ZNF175: variants seen among roughly 807,000 people sequenced by gnomAD.
ZNF175 encodes zinc finger protein OTK18.
ZNF175 carries 8 observed loss-of-function variants against 14.0 expected under a neutral mutation model. The ratio of observed to expected loss-of-function variants is 0.57; its 90% CI spans 0.34 to 1.03. ZNF175 has a LOEUF of 1.03. Ranked by LOEUF, ZNF175 falls within the 50% of genes least tolerant of loss-of-function variation. The pLI, the probability that ZNF175 is intolerant of heterozygous loss-of-function variation, is 0.03. For synonymous variants in ZNF175, 255 were observed against 296.8 expected, an observed-to-expected ratio of 0.86 and a Z score of 1.45; for missense variants, 764 against 849.5, an observed-to-expected ratio of 0.90 and a Z score of 1.25.
At position 51,588,408 on chromosome 19, in the gene ZNF175, C is replaced by CT. The variant is rs1982248850; in HGVS notation, c.2077_2078insT (p.His693LeufsTer23). On this transcript the variant is annotated frameshift_variant, in exon 5 of 5. Coordinates refer to ENST00000262259, the MANE Select transcript of ZNF175 (RefSeq NM_007147.4). LOFTEE classifies it low-confidence loss of function (END_TRUNC). ...AAACTTCAATAAACACCAAACAACT[C>CT]ATACCAGAGACAAATCTTACAAATG... 5 of 1,600,856 alleles carry CT rather than the reference C, an allele frequency of 3.1e-6. No individual in the cohort carries two copies.
chr19:51,587,630 A>C lies in ZNF175; in HGVS notation c.1299A>C (p.Thr433=). Residue 433 remains threonine, a synonymous_variant, in exon 5 of 5, where the codon ACA becomes ACC. Coordinates refer to ENST00000262259, the MANE Select transcript of ZNF175 (RefSeq NM_007147.4). ...ECGKAFTQKS[T]LSLHQRIHSG... ...GGAAAGCCTTTACCCAGAAGTCAAC[A>C]CTCAGCTTGCACCAGAGAATCCACT... 6.2e-7 allele frequency: 1 copy of C among 1,614,058 alleles called. No homozygotes were observed. The highest frequency in any genetic ancestry group is 8.5e-7 in the Non-Finnish European group (1 of 1,180,000).
chr19:51,587,126 G>C lies in ZNF175; in HGVS notation c.795G>C (p.Gln265His). The change falls in exon 5 of 5, where the codon CAG becomes CAC. Residue 265 changes from glutamine to histidine, a missense_variant. Coordinates refer to ENST00000262259, the MANE Select transcript of ZNF175 (RefSeq NM_007147.4). ...NQCRKVCGHKQSLKQHQIHTQ... is the reference protein window; with the variant it reads ...NQCRKVCGHKHSLKQHQIHTQ... ...GTAGAAAAGTCTGTGGCCATAAACAGTCACTCAAGCAACATCAAATTCATA... is the reference window on the plus strand; with the variant it reads ...GTAGAAAAGTCTGTGGCCATAAACACTCACTCAAGCAACATCAAATTCATA... 6.2e-7 allele frequency: 1 copy of C among 1,614,168 alleles called. No individual in the cohort carries two copies. The highest frequency in any genetic ancestry group is 1.1e-5 in the South Asian group (1 of 91,080).
chr19:51,581,177 A>G (rs1046647805), intron 2 of ZNF175, among the ~76,000 whole-genome samples: 6 of 152,160 alleles, frequency 3.9e-5, no homozygotes, highest in African/African-American at 1.4e-4. Context: ...ATTTTTGAAA[A>G]AAAAAAATGA....
At position 51,589,423 on chromosome 19, in the gene ZNF175, GGTT is replaced by G. The variant is rs1382332572; in HGVS notation, c.*959_*961del. On this transcript the variant is annotated 3_prime_UTR_variant, in exon 5 of 5. Transcript: ENST00000262259. ...TCCCTATTGAATATTTATATAATGA[GGTT>G]GTATCAACAATGATTAACTCCTTTA... 3.4e-6 allele frequency: 2 copies of G among 595,028 alleles called. No individual in the cohort carries two copies. Among genetic ancestry groups the G allele is most frequent in the East Asian group, 5.6e-5 (2 of 35,474 alleles). The allele number at this position is 595,028 out of a possible 1,614,324, so 36.9% of individuals were successfully genotyped here.
Position 51,581,767 on chromosome 19 carries a change from G to C in ZNF175, c.200-20G>C. 1 of 1,612,222 alleles carries C rather than the reference G, an allele frequency of 6.2e-7. No individual in the cohort carries two copies. Among genetic ancestry groups the C allele is most frequent in the South Asian group, 1.1e-5 (1 of 90,874 alleles). On this transcript the variant is annotated intron_variant, in intron 3 of 4. Transcript: ENST00000262259. ...ACTGAAGAAGCTACACCCAAATCCA[G>C]TATCCTTTCTAATTAACAGGGTATC... is the stretch of plus-strand genomic sequence containing the variant.
At chr19:51,581,568 C>A in intron 3 of ZNF175, 51 bp downstream of exon 3, 1 of 1,581,598 alleles carries the variant, frequency 6.3e-7, no homozygotes. Context: ...GAGGAGATTT[C>A]CTTCCTCCTC....
chr19:51,581,344 C>A, intron 2 of ZNF175, 47 bp from the exon 3 acceptor site: 2 of 1,613,972 alleles, frequency 1.2e-6, no homozygotes, highest in Middle Eastern at 1.7e-4. Context: ...CATCCCCACT[C>A]GCCAATGATG....
Position 51,587,685 on chromosome 19 carries a change from T to C in ZNF175, c.1354T>C (p.Cys452Arg), listed in dbSNP as rs780822016. The C allele has an allele frequency of 3.1e-6, 5 of 1,614,044 alleles. No individual in the cohort carries two copies. Among genetic ancestry groups the C allele is most frequent in the Non-Finnish European group, 4.2e-6 (5 of 1,180,010 alleles). ...GCAGAAGTCCTATGTGTGTATCGAA[T>C]GCGGGCAGGCCTTCATCCAGAAGGC... ...SGQKSYVCIE[C>R]GQAFIQKAHL... The change falls in exon 5 of 5, where the codon TGC becomes CGC. Residue 452 changes from cysteine (C) to arginine (R), a missense_variant. Transcript: ENST00000262259.
Position 51,588,421 on chromosome 19 carries a change from A to G in ZNF175, c.2090A>G (p.Lys697Arg). The change falls in exon 5 of 5, where the codon AAA becomes AGA. Residue 697 changes from lysine to arginine, a missense_variant. Coordinates refer to ENST00000262259, the MANE Select transcript of ZNF175 (RefSeq NM_007147.4). ...CACCAAACAACTCATACCAGAGACA[A>G]ATCTTACAAATGCAGTTATTCTGTG... Reference protein sequence around the residue: ...NKHQTTHTRDKSYKCSYSVKG... With the variant: ...NKHQTTHTRDRSYKCSYSVKG... The G allele has an allele frequency of 1.3e-6, 2 of 1,592,688 alleles. No individual in the cohort carries two copies. Among genetic ancestry groups the G allele is most frequent in the East Asian group, 2.2e-5 (1 of 44,756 alleles).
Position 51,588,166 on chromosome 19 carries a change from A to C in ZNF175, c.1835A>C (p.Glu612Ala), listed in dbSNP as rs753043597. The change falls in exon 5 of 5, where the codon GAG (glutamate) becomes GCG (alanine). Residue 612 changes from glutamate (E) to alanine (A), a missense_variant. Glu to Ala is a moderately radical substitution (Grantham distance 107, BLOSUM62 -1). Coordinates refer to ENST00000262259, the MANE Select transcript of ZNF175 (RefSeq NM_007147.4). ...FHKHQITHTR[E>A]RPFVCYKCGK... ...AAACATCAAATAACTCACACTAGAG[A>C]GAGGCCTTTTGTCTGTTACAAATGT... 1 of 1,614,192 alleles carries C rather than the reference A, an allele frequency of 6.2e-7. No homozygotes were observed. The highest frequency in any genetic ancestry group is 8.5e-7 in the Non-Finnish European group (1 of 1,180,028).
Position 51,586,924 on chromosome 19 carries a change from G to A in ZNF175, c.593G>A (p.Cys198Tyr), listed in dbSNP as rs1004515768. 1.9e-6 allele frequency: 3 copies of A among 1,614,040 alleles called. No individual in the cohort carries two copies. The highest frequency in any genetic ancestry group is 1.3e-5 in the African/African-American group (1 of 74,910). ...LASSQKQPQK[C>Y]CLFTESLKLN... ...TCTTCACAGAAACAACCTCAGAAATGTTGCTTATTTACAGAAAGTTTGAAG... is the reference window on the plus strand; with the variant it reads ...TCTTCACAGAAACAACCTCAGAAATATTGCTTATTTACAGAAAGTTTGAAG... Residue 198 changes from cysteine (C) to tyrosine (Y), a missense_variant, in exon 5 of 5, where the codon TGT becomes TAT. Transcript: ENST00000262259.
In ZNF175 at chr19:51,591,127, C is replaced by T. The variant is rs1982332130; in HGVS notation, c.*2660C>T. 6.5e-6 allele frequency: 1 copy of T among 152,922 alleles called. No homozygotes were observed. Among genetic ancestry groups the T allele is most frequent in the African/African-American group, 2.4e-5 (1 of 41,460 alleles). 9.5% of individuals were successfully genotyped at this position (152,922 alleles called of 1,614,324 possible). On this transcript the variant is annotated 3_prime_UTR_variant, in exon 5 of 5. Transcript: ENST00000262259. ...CCCACTTCCAGAAAGCTGCTCGTTC[C>T]CTGGCCATCCCACACCTCTGACCTC...
At chr19:51,586,078 G>T (rs1982154385) in intron 4 of ZNF175, among the ~76,000 whole-genome samples, 2 of 152,190 alleles carry the variant, frequency 1.3e-5, no homozygotes, top group Admixed American at 1.3e-4. Flanking sequence ...ACTTGGCATT[G>T]TTTCTAACAA....
chr19:51,572,581 G>T (rs1258859157), intron 1 of ZNF175, among the ~76,000 whole-genome samples: 1 of 152,178 alleles, frequency 6.6e-6, no homozygotes, highest in East Asian at 1.9e-4. Flanking sequence ...AAGAGGAAAT[G>T]GTGTTTCTGG....
rs962829561 is a variant in ZNF175 at position 51,581,989 on chromosome 19, GC to G, written c.295+109del. 13 of 1,003,172 alleles carry G rather than the reference GC, an allele frequency of 1.3e-5. No homozygotes were observed. In the African/African-American group the frequency reaches 1.8e-4, roughly 14 times the overall value. 62.1% of individuals were successfully genotyped at this position (1,003,172 alleles called of 1,614,324 possible). A position where few individuals can be genotyped will look rare whatever the true frequency, so the allele number is the denominator to read the frequency against. On this transcript the variant is annotated intron_variant, in intron 4 of 4. Transcript: ENST00000262259. ...TTCCCCCAGTGATGGCCCGTAGATT[GC>G]CTCCTACTCCCAGTTTCCCATCAAA... is the stretch of plus-strand genomic sequence containing the variant.
Position 51,587,633 on chromosome 19 carries a change from C to T in ZNF175, c.1302C>T (p.Leu434=), listed in dbSNP as rs767686350. ...AAGCCTTTACCCAGAAGTCAACACT[C>T]AGCTTGCACCAGAGAATCCACTCAG... The part of the protein sequence containing the change: ...CGKAFTQKST[L]SLHQRIHSGQ... Residue 434 remains leucine, a synonymous_variant, in exon 5 of 5, where the codon CTC becomes CTT. Transcript: ENST00000262259. 1 of 1,614,080 alleles carries T rather than the reference C, an allele frequency of 6.2e-7. No homozygotes were observed. Among genetic ancestry groups the T allele is most frequent in the South Asian group, 1.1e-5 (1 of 91,080 alleles).
chr19:51,581,999 C>T, intron 4 of ZNF175, 117 bp downstream of exon 4: 1 of 876,480 alleles, frequency 1.1e-6, no homozygotes, highest in Non-Finnish European at 1.8e-6. Context: ...GCCTCCTACT[C>T]CCAGTTTCCC....
intron 2 of ZNF175, among the ~76,000 whole-genome samples, chr19:51,580,043 T>A (rs1221156635): frequency 2.6e-5 from 4 of 152,020 alleles, no homozygotes; most frequent in African/African-American, 9.7e-5. Context: ...GAAATGATAA[T>A]GTTTTGAATA....
At position 51,573,381 on chromosome 19, in the gene ZNF175, A is replaced by G. The variant is rs1421984135; in HGVS notation, c.52A>G (p.Lys18Glu). Residue 18 changes from lysine to glutamate, a missense_variant, in exon 2 of 5, where the codon AAG becomes GAG. Coordinates refer to ENST00000262259, the MANE Select transcript of ZNF175 (RefSeq NM_007147.4). ...GAAGCCTCAGGTCCTGGGTCCAGAG[A>G]AGCAGGATGGATCTTGCGAGGTAAA... is the stretch of plus-strand genomic sequence containing the variant. ...SQKPQVLGPE[K>E]QDGSCEASVS... 1 of 1,612,344 alleles carries G rather than the reference A, an allele frequency of 6.2e-7. No homozygotes were observed. The highest frequency in any genetic ancestry group is 2.2e-5 in the East Asian group (1 of 44,636).
Sources: gnomAD v4.1 joint callset for allele counts (sites outside exome capture counted in the v4.1 genomes callset) on GRCh38, gnomAD v4.1.1 for gene constraint, MANE v1.5 for transcripts, NCBI Gene and HGNC (gene_info 2026-07-23, HGNC 2026-07-21) for gene names.